The following PPP3R1 variants were observed in gnomAD, a reference collection of about 807,000 sequenced individuals.
PPP3R1 encodes the protein calcineurin subunit B type 1.
In PPP3R1, 5 loss-of-function variants were observed where a neutral mutation model predicts 22.6. The observed-to-expected ratio is 0.22, with a 90% CI of 0.12 to 0.46. PPP3R1 has a LOEUF of 0.46. PPP3R1 is among the 20% of genes least tolerant of loss of function. The pLI is 0.99. For missense variants in PPP3R1, 61 were observed against 203.2 expected (o/e 0.30, Z 4.25); for synonymous variants, 56 against 65.2 (o/e 0.86, Z 0.68).
At chr2:68,221,810 G>A (rs1669692928) in intron 1 of PPP3R1, among the ~76,000 whole-genome samples, 1 of 150,530 alleles carries the variant, frequency 6.6e-6, no homozygotes, top group African/African-American at 2.4e-5. Context: ...GATACACCAA[G>A]GACAGGAAAC....
intron 1 of PPP3R1, among the ~76,000 whole-genome samples, chr2:68,235,335 A>G (rs1333618338): frequency 1.3e-5 from 2 of 152,148 alleles, no homozygotes; most frequent in African/African-American, 4.8e-5. Flanking sequence ...TTTATTACCC[A>G]CAAAAGCCTG....
chr2:68,207,569 C>A (rs1339425417), intron 2 of PPP3R1, among the ~76,000 whole-genome samples: 1 of 152,150 alleles, frequency 6.6e-6, no homozygotes, highest in African/African-American at 2.4e-5. Context: ...GGCCCTCAGT[C>A]CCAGATTTAA....
intron 1 of PPP3R1, among the ~76,000 whole-genome samples, chr2:68,232,209 T>TA (rs571323678): frequency 0.59 from 53,788 of 91,576 alleles, 14,085 homozygotes; most frequent in African/African-American, 0.74. Context: ...TATATACATA[T>TA]TGTATATGTA....
chr2:68,233,749 A>G (rs902210136), intron 1 of PPP3R1, among the ~76,000 whole-genome samples: 1 of 152,192 alleles, frequency 6.6e-6, no homozygotes, highest in African/African-American at 2.4e-5. Flanking sequence ...TCCTTCAGAT[A>G]CCTCAGATAA....
chr2:68,228,542 T>C (rs1034040403), intron 1 of PPP3R1, among the ~76,000 whole-genome samples: 7 of 152,182 alleles, frequency 4.6e-5, no homozygotes, highest in African/African-American at 1.7e-4. Flanking sequence ...ATTTCATTCC[T>C]GATAATGGTA....
At chr2:68,224,769 T>A (rs1420036338) in intron 1 of PPP3R1, among the ~76,000 whole-genome samples, 1 of 151,678 alleles carries the variant, frequency 6.6e-6, no homozygotes, top group Non-Finnish European at 1.5e-5. Context: ...ACACACACAA[T>A]TTTCAAGAAA....
At chr2:68,203,557 C>T (rs563252796) in intron 2 of PPP3R1, among the ~76,000 whole-genome samples, 8 of 151,414 alleles carry the variant, frequency 5.3e-5, no homozygotes, top group African/African-American at 1.7e-4. Flanking sequence ...GCCGAGATCG[C>T]GCCATTGCAC....
At chr2:68,211,097 A>T (rs1219427913) in intron 2 of PPP3R1, among the ~76,000 whole-genome samples, 3 of 152,162 alleles carry the variant, frequency 2.0e-5, no homozygotes, top group Non-Finnish European at 4.4e-5. Context: ...AACAACACAT[A>T]TACCTTAATT....
At chr2:68,244,954 C>A (rs1670206782) in intron 1 of PPP3R1, among the ~76,000 whole-genome samples, 1 of 152,228 alleles carries the variant, frequency 6.6e-6, no homozygotes. Flanking sequence ...TTATGTTTGT[C>A]ACCTAGGACA....
intron 2 of PPP3R1, among the ~76,000 whole-genome samples, chr2:68,198,405 G>GTATA (rs764763885): frequency 0.072 from 5,825 of 81,024 alleles, 1,017 homozygotes; most frequent in African/African-American, 0.24. Flanking sequence ...ATATATATGT[G>GTATA]TATGTATATG....
rs199824687 is a variant in PPP3R1 at position 68,198,062 on chromosome 2, C to CAAAAAAAAAAAAAAAAAAA, written c.44-9391_44-9373dup. Among the ~76,000 whole-genome samples the CAAAAAAAAAAAAAAAAAAA allele has an allele frequency of 1.7e-4, 7 of 42,004 alleles. 2 individuals carry two copies. Among genetic ancestry groups the CAAAAAAAAAAAAAAAAAAA allele is most frequent in the African/African-American group, 6.6e-4 (6 of 9,090 alleles). The allele number at this position is 42,004 out of a possible 152,430, so 27.6% of individuals were successfully genotyped here. On this transcript the variant is annotated intron_variant, in intron 2 of 5. Coordinates refer to ENST00000234310, the MANE Select transcript of PPP3R1 (RefSeq NM_000945.4). ...GCTCCCTTTACAACGGCACCTTTGG[C>CAAAAAAAAAAAAAAAAAAA]AAAAAAAAAAAAAAAAAAAAAAAAA...
intron 2 of PPP3R1, among the ~76,000 whole-genome samples, chr2:68,202,750 T>TA (rs1479876167): frequency 6.7e-6 from 1 of 149,740 alleles, no homozygotes; most frequent in African/African-American, 2.5e-5. Flanking sequence ...ACTACTTGTT[T>TA]AAAAACTTGA....
intron 2 of PPP3R1, among the ~76,000 whole-genome samples, chr2:68,214,355 G>C (rs1669537270): frequency 6.6e-6 from 1 of 152,046 alleles, no homozygotes; most frequent in Non-Finnish European, 1.5e-5. Flanking sequence ...ACAACCTACA[G>C]AATGGGAGAA....
At chr2:68,210,192 T>A (rs1669452333) in intron 2 of PPP3R1, among the ~76,000 whole-genome samples, 1 of 152,192 alleles carries the variant, frequency 6.6e-6, no homozygotes, top group Non-Finnish European at 1.5e-5. Flanking sequence ...TATTGGCCTC[T>A]ATTCCAATTC....
chr2:68,209,286 G>A (rs896196767), intron 2 of PPP3R1, among the ~76,000 whole-genome samples: 1 of 135,772 alleles, frequency 7.4e-6, no homozygotes, highest in African/African-American at 2.7e-5. Context: ...GTGAACCCGG[G>A]AGGCGGAGCT....
intron 3 of PPP3R1, 134 bp from the exon 4 acceptor site, chr2:68,187,448 A>T: frequency 1.4e-6 from 1 of 736,184 alleles, no homozygotes; most frequent in Non-Finnish European, 2.2e-6. Flanking sequence ...GTTTAAAAAT[A>T]AAATTGCCAA....
At chr2:68,190,254 TTAAAAAAAAAAAAAAAAA>T (rs1308073511) in intron 2 of PPP3R1, among the ~76,000 whole-genome samples, 1 of 85,522 alleles carries the variant, frequency 1.2e-5, no homozygotes, top group Non-Finnish European at 2.3e-5. Flanking sequence ...CAAGTTTCTC[TTAAAAAAAAAAAAAAAAA>T]AAAAAAAAAA....
chr2:68,238,756 G>A (rs1377637822), intron 1 of PPP3R1, among the ~76,000 whole-genome samples: 1 of 152,142 alleles, frequency 6.6e-6, no homozygotes, highest in East Asian at 1.9e-4. Context: ...CAATGGCAAT[G>A]GGGATGAAGA....
intron 2 of PPP3R1, among the ~76,000 whole-genome samples, chr2:68,216,687 A>G (rs1007738172): frequency 2.0e-4 from 30 of 152,264 alleles, no homozygotes; most frequent in African/African-American, 7.2e-4. Flanking sequence ...CCTCTTCCTC[A>G]GTGATCTTGG....
Sources: gnomAD v4.1 joint callset for allele counts (sites outside exome capture counted in the v4.1 genomes callset) on GRCh38, gnomAD v4.1.1 for gene constraint, MANE v1.5 for transcripts, NCBI Gene and HGNC (gene_info 2026-07-23, HGNC 2026-07-21) for gene names.